TMEM131: variants seen among roughly 807,000 people sequenced by gnomAD.
TMEM131 encodes the protein 2610524E03Rik.
Under a neutral mutation model 211.6 loss-of-function variants are expected in TMEM131, and 66 were observed. The ratio of observed to expected loss-of-function variants is 0.31; its 90% CI spans 0.26 to 0.38. TMEM131 has a LOEUF of 0.38. TMEM131 is among the 10% of genes least tolerant of loss of function. The pLI, the probability that TMEM131 is intolerant of heterozygous loss-of-function variation, is 1.00. For synonymous variants in TMEM131, 844 were observed against 841.3 expected (o/e 1.00, Z -0.06); for missense variants, 2,036 against 2,299.3 (o/e 0.89, Z 2.34).
At chr2:97,809,897 T>C (rs1314732751) in intron 18 of TMEM131, 123 bp from the exon 19 acceptor site, 9 of 667,048 alleles carry the variant, frequency 1.3e-5, no homozygotes, top group Non-Finnish European at 2.2e-5. Context: ...ACCAGCTCCA[T>C]ACCAATATTA....
chr2:97,915,285 C>G (rs1676463641), intron 2 of TMEM131, among the ~76,000 whole-genome samples: 1 of 152,104 alleles, frequency 6.6e-6, no homozygotes, highest in Admixed American at 6.6e-5. Flanking sequence ...CTATATTTAT[C>G]TTTACATCTT....
In TMEM131 at chr2:97,766,138, C is replaced by G. The variant is rs775517653; in HGVS notation, c.4699G>C (p.Val1567Leu). 8.7e-6 allele frequency: 14 copies of G among 1,613,914 alleles called. No homozygotes were observed. The highest frequency in any genetic ancestry group is 1.2e-5 in the Non-Finnish European group (14 of 1,179,900). Residue 1567 changes from valine (V) to leucine (L), a missense_variant, in exon 35 of 41, where the codon GTT becomes CTT. Physicochemically the swap from Val to Leu is conservative, Grantham distance 32. Coordinates refer to ENST00000186436, the MANE Select transcript of TMEM131 (RefSeq NM_015348.2). ...CAGCTGCCAGGTTTGTGAACTGGAA[C>G]GGAATCCCACTCCGGTGGAGGAGAG... ...KDSPPPEWDS[V>L]PVHKPGSSTD...
At chr2:97,819,045 G>C (rs1430883806) in intron 11 of TMEM131, among the ~76,000 whole-genome samples, 1 of 152,180 alleles carries the variant, frequency 6.6e-6, no homozygotes, top group African/African-American at 2.4e-5. Context: ...CACACCAGTG[G>C]AGGCGACATG....
chr2:97,985,761 T>C (rs995848196), intron 1 of TMEM131, among the ~76,000 whole-genome samples: 1 of 151,998 alleles, frequency 6.6e-6, no homozygotes, highest in African/African-American at 2.4e-5. Flanking sequence ...AAGGAAATAC[T>C]GTATATAATT....
intron 3 of TMEM131, among the ~76,000 whole-genome samples, chr2:97,908,207 C>G (rs547615206): frequency 3.9e-5 from 6 of 152,302 alleles, no homozygotes; most frequent in Admixed American, 1.3e-4. Context: ...GTAAAACCAT[C>G]CCCCTGTTAT....
intron 1 of TMEM131, among the ~76,000 whole-genome samples, chr2:97,932,017 A>T (rs899995000): frequency 3.3e-5 from 5 of 151,634 alleles, no homozygotes; most frequent in African/African-American, 4.9e-5. Context: ...AAGTCTGAAA[A>T]ACATAAGATA....
intron 3 of TMEM131, among the ~76,000 whole-genome samples, chr2:97,902,920 T>A (rs1211848220): frequency 6.6e-6 from 1 of 152,180 alleles, no homozygotes; most frequent in African/African-American, 2.4e-5. Context: ...GTTCTTCAGT[T>A]TGGGACTCAG....
intron 1 of TMEM131, among the ~76,000 whole-genome samples, chr2:97,970,567 C>G (rs1016149993): frequency 2.0e-5 from 3 of 152,148 alleles, no homozygotes; most frequent in African/African-American, 7.2e-5. Context: ...TAAACCAATA[C>G]GTGAAGAAAA....
chr2:97,925,418 G>A (rs1226244622), intron 2 of TMEM131, among the ~76,000 whole-genome samples: 1 of 152,150 alleles, frequency 6.6e-6, no homozygotes, highest in South Asian at 2.1e-4. Flanking sequence ...CTCAGAGTCC[G>A]TGTCATCTTA....
chr2:97,859,149 G>T (rs1321299869), intron 5 of TMEM131, among the ~76,000 whole-genome samples, 155 bp downstream of exon 5: 5 of 152,174 alleles, frequency 3.3e-5, no homozygotes, highest in African/African-American at 1.2e-4. Flanking sequence ...ATATGGTTAA[G>T]GGTAGAAGTA....
intron 1 of TMEM131, among the ~76,000 whole-genome samples, chr2:97,958,036 G>A (rs1297905357): frequency 1.3e-5 from 2 of 152,202 alleles, no homozygotes; most frequent in African/African-American, 2.4e-5. Flanking sequence ...GAAGAGTCAG[G>A]TGAACACGGA....
chr2:97,948,107 G>T (rs1678128721), intron 1 of TMEM131, among the ~76,000 whole-genome samples: 1 of 152,096 alleles, frequency 6.6e-6, no homozygotes, highest in African/African-American at 2.4e-5. Flanking sequence ...GAAAATTTTA[G>T]TGATCTTGAG....
chr2:97,945,097 T>C (rs1256742040), intron 1 of TMEM131, among the ~76,000 whole-genome samples: 1 of 152,186 alleles, frequency 6.6e-6, no homozygotes, highest in Non-Finnish European at 1.5e-5. Context: ...GTTAACAAAA[T>C]GTGGTAAATC....
At chr2:97,959,138 C>T (rs996270711) in intron 1 of TMEM131, among the ~76,000 whole-genome samples, 1 of 152,002 alleles carries the variant, frequency 6.6e-6, no homozygotes, top group South Asian at 2.1e-4. Context: ...AAAGTAGATG[C>T]CTTGGAAAGT....
At chr2:97,781,859 T>C (rs912162954) in intron 31 of TMEM131, among the ~76,000 whole-genome samples, 12 of 152,088 alleles carry the variant, frequency 7.9e-5, no homozygotes, top group African/African-American at 2.9e-4. Flanking sequence ...GCCAGCTATC[T>C]CTTGCCAAAG....
chr2:97,779,952 T>G (rs1010532084), intron 31 of TMEM131, among the ~76,000 whole-genome samples: 6 of 151,992 alleles, frequency 3.9e-5, no homozygotes, highest in Non-Finnish European at 8.8e-5. Flanking sequence ...CCCAGGAGTT[T>G]GAGGTTATAG....
Position 97,757,094 on chromosome 2 carries a change from T to G in TMEM131, c.*5A>C. ...CCCACTATGTTTGTTTGTTTTTTGC[T>G]TAATTTAATTCTCGTGAGGAAAGTG... On this transcript the variant is annotated 3_prime_UTR_variant, in exon 41 of 41. Coordinates refer to ENST00000186436, the MANE Select transcript of TMEM131 (RefSeq NM_015348.2). 1 of 1,576,960 alleles carries G rather than the reference T, an allele frequency of 6.3e-7. No individual in the cohort carries two copies. Among genetic ancestry groups the G allele is most frequent in the Non-Finnish European group, 8.6e-7 (1 of 1,157,986 alleles).
At position 97,811,208 on chromosome 2, in the gene TMEM131, C is replaced by A. The variant is rs770634435; in HGVS notation, c.1888G>T (p.Ala630Ser). The change falls in exon 18 of 41, where the codon GCA becomes TCA. Residue 630 changes from alanine (A) to serine (S), a missense_variant. By Grantham distance (99) the Ala-to-Ser change is moderately conservative. Transcript: ENST00000186436. ...GCAGTAAGTTTGACTCTGAAGACTG[C>A]AAAATAGCCTGAAGCTAATGTTACC... ...SSVTLASGYF[A>S]VFRVKLTAKK... 1 of 1,613,488 alleles carries A rather than the reference C, an allele frequency of 6.2e-7. No individual in the cohort carries two copies. Among genetic ancestry groups the A allele is most frequent in the Admixed American group, 1.7e-5 (1 of 60,008 alleles).
Position 97,837,099 on chromosome 2 carries a change from T to C in TMEM131, c.782A>G (p.Gln261Arg). Residue 261 changes from glutamine to arginine, a missense_variant, in exon 8 of 41, where the codon CAA becomes CGA. Physicochemically the swap from Gln to Arg is conservative, Grantham distance 43 (BLOSUM62 1). This residue lies in a region of TMEM131 where 277 missense variants were observed against 378.0 expected (regional missense o/e 0.73). Coordinates refer to ENST00000186436, the MANE Select transcript of TMEM131 (RefSeq NM_015348.2). ...DLHLELPTGQ[Q>R]GGTRKLWEIP... Reference sequence around the variant, plus strand: ...CACCCACAGTTTTCTGGTACCTCCTTGTTGACCCGTTGGGAGTTCTAGGTG... The same window carrying C: ...CACCCACAGTTTTCTGGTACCTCCTCGTTGACCCGTTGGGAGTTCTAGGTG... 1 of 1,612,582 alleles carries C rather than the reference T, an allele frequency of 6.2e-7. No homozygotes were observed. Among genetic ancestry groups the C allele is most frequent in the Middle Eastern group, 1.7e-4 (1 of 6,058 alleles).
Sources: allele counts gnomAD v4.1 joint callset (sites outside exome capture counted in the v4.1 genomes callset), GRCh38; gene constraint gnomAD v4.1.1; regional missense constraint gnomAD v4.1.1; transcripts MANE v1.5; gene names NCBI Gene and HGNC (gene_info 2026-07-23, HGNC 2026-07-21).